ADGRL2: variants seen among roughly 807,000 people sequenced by gnomAD.
The protein encoded by ADGRL2 is adhesion G protein-coupled receptor L2.
ADGRL2 carries 44 observed loss-of-function variants against 157.4 expected under a neutral mutation model. That is an observed-to-expected ratio of 0.28 (90% CI 0.22 to 0.36). The LOEUF (loss-of-function observed/expected upper bound fraction) is 0.36, where lower values mean the gene tolerates loss of function less well. ADGRL2 is among the 10% of genes least tolerant of loss of function. ADGRL2 has a pLI of 1.00. For synonymous variants in ADGRL2, 585 were observed against 624.7 expected, an observed-to-expected ratio of 0.94 and a Z score of 0.95; for missense variants, 1,510 against 1,768.9, an observed-to-expected ratio of 0.85 and a Z score of 2.63.
chr1:81,648,504 A>G (rs547828645), intron 3 of ADGRL2, among the ~76,000 whole-genome samples: 3 of 152,322 alleles, frequency 2.0e-5, no homozygotes, highest in South Asian at 2.1e-4. Context: ...AGGAAAAGAC[A>G]TATCTTTCTT....
At chr1:81,604,615 C>G (rs2081396988) in intron 3 of ADGRL2, among the ~76,000 whole-genome samples, 1 of 152,160 alleles carries the variant, frequency 6.6e-6, no homozygotes, top group Non-Finnish European at 1.5e-5. Context: ...ACAAGACTTT[C>G]AGTGCTAAAA....
At chr1:81,334,774 A>G (rs1013754133) in intron 1 of ADGRL2, among the ~76,000 whole-genome samples, 3 of 152,230 alleles carry the variant, frequency 2.0e-5, no homozygotes, top group African/African-American at 7.2e-5. Context: ...GCCTGAAGTC[A>G]TTATCACACA....
chr1:81,436,369 A>G (rs568826790), intron 1 of ADGRL2, among the ~76,000 whole-genome samples: 24 of 152,344 alleles, frequency 1.6e-4, no homozygotes, highest in African/African-American at 5.8e-4. Flanking sequence ...GCAACACTCA[A>G]ATAACATCTA....
intron 2 of ADGRL2, among the ~76,000 whole-genome samples, chr1:81,875,028 G>T (rs2151089001): frequency 6.6e-6 from 1 of 152,092 alleles, no homozygotes; most frequent in East Asian, 1.9e-4. Context: ...GTTTTAATTT[G>T]CTTGTGCTGC....
chr1:81,524,904 T>TA (rs1056230978), intron 2 of ADGRL2, among the ~76,000 whole-genome samples: 53 of 150,724 alleles, frequency 3.5e-4, no homozygotes, highest in East Asian at 1.8e-3. Flanking sequence ...ACTTGTCTCT[T>TA]AAAAAAAAAT....
At chr1:81,670,794 A>C (rs1230673289) in intron 3 of ADGRL2, among the ~76,000 whole-genome samples, 2 of 152,200 alleles carry the variant, frequency 1.3e-5, no homozygotes, top group Non-Finnish European at 2.9e-5. Flanking sequence ...GGGTCACTGC[A>C]GCCTTAACCT....
intron 2 of ADGRL2, among the ~76,000 whole-genome samples, chr1:81,483,870 A>G (rs952029566): frequency 6.6e-6 from 1 of 152,220 alleles, no homozygotes; most frequent in African/African-American, 2.4e-5. Context: ...ATAAGACTGA[A>G]CATTCCCTAA....
chr1:81,481,382 G>A (rs560643096), intron 2 of ADGRL2, among the ~76,000 whole-genome samples: 6 of 152,320 alleles, frequency 3.9e-5, no homozygotes, highest in South Asian at 2.1e-4. Flanking sequence ...TTAGAAGGAT[G>A]CAATAATCAA....
At chr1:81,364,606 A>G (rs919068906) in intron 1 of ADGRL2, among the ~76,000 whole-genome samples, 1 of 152,176 alleles carries the variant, frequency 6.6e-6, no homozygotes, top group African/African-American at 2.4e-5. Flanking sequence ...GAGAACTGAA[A>G]AATTGTAAGC....
At chr1:81,407,056 T>A (rs552893575) in intron 1 of ADGRL2, among the ~76,000 whole-genome samples, 1 of 152,342 alleles carries the variant, frequency 6.6e-6, no homozygotes, top group South Asian at 2.1e-4. Context: ...GAAATGTGTA[T>A]TTCTGTGAGA....
At chr1:81,596,772 T>G (rs1394352948) in intron 3 of ADGRL2, among the ~76,000 whole-genome samples, 1 of 151,892 alleles carries the variant, frequency 6.6e-6, no homozygotes, top group Admixed American at 6.6e-5. Context: ...TCCTGAAAAA[T>G]TCCCCACACA....
chr1:81,727,239 A>G (rs563524536), intron 1 of ADGRL2, among the ~76,000 whole-genome samples: 1 of 152,354 alleles, frequency 6.6e-6, no homozygotes, highest in African/African-American at 2.4e-5. Flanking sequence ...AAAATAGACC[A>G]AATTAATACT....
At position 81,821,694 on chromosome 1, in the gene ADGRL2, G is replaced by A. The variant is rs546127868; in HGVS notation, c.-100-15191G>A. On this transcript the variant is annotated intron_variant, in intron 1 of 23. Coordinates refer to ENST00000686636, the MANE Select transcript of ADGRL2 (RefSeq NM_001366006.2). ...CAAGATTTTAATTTGGTGAAATGCCGGAACAATTTCTTATATTTAATTTGA... is the reference window on the plus strand; with the variant it reads ...CAAGATTTTAATTTGGTGAAATGCCAGAACAATTTCTTATATTTAATTTGA... Among the ~76,000 whole-genome samples the A allele has an allele frequency of 8.5e-5, 13 of 152,110 alleles. No individual in the cohort carries two copies. The South Asian group carries it at 1.0e-3, about 12-fold the overall frequency.
chr1:81,306,760 A>C (rs1469360033), intron 1 of ADGRL2, among the ~76,000 whole-genome samples: 1 of 152,232 alleles, frequency 6.6e-6, no homozygotes, highest in Non-Finnish European at 1.5e-5. Flanking sequence ...TCTCTAATGT[A>C]GAAATATAAT....
At chr1:81,516,253 A>G (rs918161691) in intron 2 of ADGRL2, among the ~76,000 whole-genome samples, 1 of 152,224 alleles carries the variant, frequency 6.6e-6, no homozygotes, top group African/African-American at 2.4e-5. Context: ...CAAAATGACA[A>G]TAGATGTATG....
intron 2 of ADGRL2, among the ~76,000 whole-genome samples, chr1:81,537,261 T>A (rs1194363018): frequency 6.6e-6 from 1 of 152,084 alleles, no homozygotes; most frequent in Non-Finnish European, 1.5e-5. Flanking sequence ...AAACTTACAG[T>A]ATGACTATTT....
chr1:81,690,344 T>G (rs1051104930), intron 3 of ADGRL2, among the ~76,000 whole-genome samples: 2 of 152,098 alleles, frequency 1.3e-5, no homozygotes, highest in African/African-American at 4.8e-5. Flanking sequence ...AATACAAAAA[T>G]TAGCCAGGCA....
At position 81,428,591 on chromosome 1, in the gene ADGRL2, TG is replaced by T. The variant is rs1326133274; in HGVS notation, c.-301-16440del. Reference sequence around the variant, plus strand: ...CCCCCATTCATAAGAGAGAGGGAAGTGGGGGATGCAGGCAATTTTAGAGGAA... The same window carrying T: ...CCCCCATTCATAAGAGAGAGGGAAGTGGGGATGCAGGCAATTTTAGAGGAA... On this transcript the variant is annotated intron_variant, in intron 1 of 24. Coordinates refer to the ADGRL2 transcript ENST00000370721. Among the ~76,000 whole-genome samples, 13 of 151,752 alleles carry T rather than the reference TG, an allele frequency of 8.6e-5. 1 individual carries two copies. Among genetic ancestry groups the T allele is most frequent in the Non-Finnish European group, 1.5e-4 (10 of 67,940 alleles).
At chr1:81,878,646 T>C (rs2093904448) in intron 2 of ADGRL2, among the ~76,000 whole-genome samples, 4 of 152,198 alleles carry the variant, frequency 2.6e-5, no homozygotes, top group Admixed American at 2.6e-4. Flanking sequence ...TAAAATATTA[T>C]AGTGCCAGAG....
Sources: allele counts gnomAD v4.1 joint callset (sites outside exome capture counted in the v4.1 genomes callset), GRCh38; gene constraint gnomAD v4.1.1; transcripts MANE v1.5; gene names NCBI Gene and HGNC (gene_info 2026-07-23, HGNC 2026-07-21).